Variants in HACE1 observed in about 807,000 individuals in gnomAD.
HACE1 encodes the protein E3 ubiquitin-protein ligase HACE1.
Under a neutral mutation model 118.4 loss-of-function variants are expected in HACE1, and 73 were observed. The ratio of observed to expected loss-of-function variants is 0.62; its 90% CI spans 0.51 to 0.75. The LOEUF (loss-of-function observed/expected upper bound fraction) is 0.75, where lower values mean the gene tolerates loss of function less well. Ranked by LOEUF, HACE1 falls within the 30% of genes least tolerant of loss-of-function variation. The probability of loss-of-function intolerance (pLI) is 0.00; values close to 1 mark genes in which losing one functional copy is unlikely to be tolerated. For synonymous variants in HACE1, 368 were observed against 374.8 expected (o/e 0.98, Z 0.21); for missense variants, 749 against 1,102.2 (o/e 0.68, Z 4.54).
intron 1 of HACE1, among the ~76,000 whole-genome samples, chr6:104,856,732 G>A (rs1776760507): frequency 6.6e-6 from 1 of 152,110 alleles, no homozygotes; most frequent in African/African-American, 2.4e-5. Context: ...ACTGCGCCCG[G>A]CCTCCAACTT....
intron 19 of HACE1, among the ~76,000 whole-genome samples, chr6:104,761,775 G>T (rs1192901077): frequency 6.6e-6 from 1 of 152,102 alleles, no homozygotes; most frequent in African/African-American, 2.4e-5. Flanking sequence ...TACAGAATGG[G>T]AGAAAATTTC....
intron 6 of HACE1, among the ~76,000 whole-genome samples, chr6:104,823,228 G>C (rs189377521): frequency 6.6e-6 from 1 of 152,170 alleles, no homozygotes; most frequent in African/African-American, 2.4e-5. Flanking sequence ...GAGGTCAGGA[G>C]TTCAAGATCA....
chr6:104,853,736 C>T (rs529145585), intron 1 of HACE1, among the ~76,000 whole-genome samples: 1 of 152,194 alleles, frequency 6.6e-6, no homozygotes, highest in African/African-American at 2.4e-5. Context: ...AATATATGCT[C>T]AATATCATAT....
chr6:104,854,422 T>C (rs185437931), intron 1 of HACE1, among the ~76,000 whole-genome samples: 2 of 152,328 alleles, frequency 1.3e-5, no homozygotes, highest in African/African-American at 4.8e-5. Context: ...ATGTTAACCT[T>C]AGGGAAAGGT....
At chr6:104,819,304 T>A (rs767637716) in intron 6 of HACE1, among the ~76,000 whole-genome samples, 1 of 151,712 alleles carries the variant, frequency 6.6e-6, no homozygotes. Flanking sequence ...CAAAAAGAAT[T>A]AAAAACCTAG....
chr6:104,799,201 A>G (rs1770023647), intron 7 of HACE1, among the ~76,000 whole-genome samples: 1 of 152,234 alleles, frequency 6.6e-6, no homozygotes, highest in East Asian at 1.9e-4. Flanking sequence ...AAATTAAGCA[A>G]ACAGGAGGCC....
intron 7 of HACE1, among the ~76,000 whole-genome samples, chr6:104,806,114 A>G (rs1305729301): frequency 6.6e-6 from 1 of 152,172 alleles, no homozygotes; most frequent in Non-Finnish European, 1.5e-5. Context: ...AGCTGGAGTA[A>G]TTTCTAAAAC....
chr6:104,745,332 A>G (rs1777298434), intron 20 of HACE1, among the ~76,000 whole-genome samples: 1 of 152,200 alleles, frequency 6.6e-6, no homozygotes, highest in East Asian at 1.9e-4. Context: ...AAAAGAGGAC[A>G]TGAAAAGAGC....
intron 2 of HACE1, 64 bp downstream of exon 2, chr6:104,852,253 G>A: frequency 1.1e-6 from 1 of 890,116 alleles, no homozygotes; most frequent in Non-Finnish European, 1.9e-6. Context: ...GCACGGGCAT[G>A]CAGTACACAT....
chr6:104,734,045 G>A (rs774286036), intron 22 of HACE1, among the ~76,000 whole-genome samples: 1 of 150,890 alleles, frequency 6.6e-6, no homozygotes, highest in African/African-American at 2.4e-5. Context: ...CCAGCGACTC[G>A]GGAGGGCTTA....
Position 104,795,703 on chromosome 6 carries a change from A to C in HACE1, c.817-18T>G. ...TGCCGTAACTAAATTTTTTACAAAT[A>C]AAAAAATGTGATTACATAGTAATCC... is the stretch of plus-strand genomic sequence containing the variant. On this transcript the variant is annotated intron_variant, in intron 9 of 23. Coordinates refer to ENST00000262903, the MANE Select transcript of HACE1 (RefSeq NM_020771.4). 6.9e-7 allele frequency: 1 copy of C among 1,456,616 alleles called. No homozygotes were observed. The highest frequency in any genetic ancestry group is 1.1e-5 in the South Asian group (1 of 87,786). 90.2% of individuals were successfully genotyped at this position (1,456,616 alleles called of 1,614,324 possible). A position where few individuals can be genotyped will look rare whatever the true frequency, so the allele number is the denominator to read the frequency against.
At chr6:104,819,479 G>T (rs950763875) in intron 6 of HACE1, among the ~76,000 whole-genome samples, 4 of 152,060 alleles carry the variant, frequency 2.6e-5, no homozygotes, top group African/African-American at 7.2e-5. Context: ...AATTTATATA[G>T]ATTCAATGCT....
chr6:104,760,206 A>G (rs563042668), intron 19 of HACE1, among the ~76,000 whole-genome samples: 108 of 152,296 alleles, frequency 7.1e-4, no homozygotes, highest in African/African-American at 2.3e-3. Context: ...TATGAGGCCA[A>G]CATCATCCTG....
intron 14 of HACE1, among the ~76,000 whole-genome samples, chr6:104,781,355 C>T (rs1193203939): frequency 1.3e-5 from 2 of 152,126 alleles, no homozygotes; most frequent in Non-Finnish European, 2.9e-5. Context: ...TACTTTCTTA[C>T]ACAATAAGAT....
intron 19 of HACE1, among the ~76,000 whole-genome samples, chr6:104,759,819 T>G (rs897966845): frequency 4.0e-5 from 6 of 150,686 alleles, no homozygotes; most frequent in African/African-American, 1.5e-4. Flanking sequence ...CTAATAAAGA[T>G]GAAAAGAGAG....
At chr6:104,803,634 T>C (rs945650005) in intron 7 of HACE1, among the ~76,000 whole-genome samples, 7 of 152,326 alleles carry the variant, frequency 4.6e-5, no homozygotes, top group Admixed American at 2.6e-4. Context: ...TCTCAATAGA[T>C]GCAGAAAAGG....
intron 20 of HACE1, 74 bp downstream of exon 20, chr6:104,750,267 A>G: frequency 8.1e-7 from 1 of 1,241,518 alleles, no homozygotes; most frequent in African/African-American, 1.5e-5. Context: ...AATACTCCAC[A>G]ATTATTTCTG....
chr6:104,803,041 A>C (rs537187837), intron 7 of HACE1, among the ~76,000 whole-genome samples: 60 of 152,310 alleles, frequency 3.9e-4, no homozygotes, highest in African/African-American at 1.4e-3. Context: ...TATCACCACC[A>C]ATCCTACAGA....
At position 104,768,079 on chromosome 6, in the gene HACE1, T is replaced by C. The variant is rs564642209; in HGVS notation, c.2211+3114A>G. Among the ~76,000 whole-genome samples the C allele has an allele frequency of 1.0e-3, 159 of 152,330 alleles. 1 individual carries two copies. The highest frequency in any genetic ancestry group is 3.6e-3 in the African/African-American group (148 of 41,576). On this transcript the variant is annotated intron_variant, in intron 19 of 23. Transcript: ENST00000262903. ...AATGTGGAACTAATATATATACATC[T>C]GCCTATATTGCTTGTATTTATTTAA...
Sources: gnomAD v4.1 joint callset for allele counts (sites outside exome capture counted in the v4.1 genomes callset) on GRCh38, gnomAD v4.1.1 for gene constraint, MANE v1.5 for transcripts, NCBI Gene and HGNC (gene_info 2026-07-23, HGNC 2026-07-21) for gene names.